Variants in SYNE1 observed in about 807,000 individuals in gnomAD.
SYNE1 encodes the protein spectrin repeat containing nuclear envelope protein 1, also known as nesprin-1.
Under a neutral mutation model 1,111.0 loss-of-function variants are expected in SYNE1, and 616 were observed. The observed-to-expected ratio is 0.55, with a 90% CI of 0.52 to 0.59. The LOEUF (loss-of-function observed/expected upper bound fraction) is 0.59. Ranked by LOEUF, SYNE1 falls within the 20% of genes least tolerant of loss-of-function variation. SYNE1 has a pLI of 0.00. For synonymous variants in SYNE1, 3,855 were observed against 3,825.8 expected (o/e 1.01, Z -0.28); for missense variants, 10,006 against 10,417.0 (o/e 0.96, Z 1.72).
intron 59 of SYNE1, among the ~76,000 whole-genome samples, chr6:152,371,865 A>C (rs4988947): frequency 0.03 from 613 of 20,194 alleles, 5 homozygotes; most frequent in East Asian, 0.11. Flanking sequence ...AAGGAAAGGA[A>C]AGGAAAGGAA....
chr6:152,517,389 A>G (rs1487638014), intron 6 of SYNE1, among the ~76,000 whole-genome samples: 13 of 152,202 alleles, frequency 8.5e-5, no homozygotes, highest in Admixed American at 8.5e-4. Flanking sequence ...TAAATGTAAG[A>G]GGATTGGTGC....
chr6:152,469,576 C>A (rs1044832503), intron 16 of SYNE1, among the ~76,000 whole-genome samples: 1 of 151,962 alleles, frequency 6.6e-6, no homozygotes, highest in Non-Finnish European at 1.5e-5. Context: ...AGGTATGGAC[C>A]AATATTAAAT....
At chr6:152,446,484 CTA>C (rs1265718208) in intron 29 of SYNE1, among the ~76,000 whole-genome samples, 7 of 152,008 alleles carry the variant, frequency 4.6e-5, no homozygotes, top group African/African-American at 1.7e-4. Flanking sequence ...AAATTCAGCA[CTA>C]GAGTCTCAAG....
intron 3 of SYNE1, among the ~76,000 whole-genome samples, chr6:152,601,852 A>G (rs2099596989): frequency 1.3e-5 from 2 of 152,148 alleles, no homozygotes; most frequent in South Asian, 4.1e-4. Context: ...GATTCCATAT[A>G]CTCAGAAGTA....
intron 6 of SYNE1, among the ~76,000 whole-genome samples, chr6:152,513,215 A>C (rs1209450687): frequency 6.6e-6 from 1 of 152,172 alleles, no homozygotes; most frequent in Non-Finnish European, 1.5e-5. Context: ...GCTTGAATGG[A>C]ATGAATTATT....
At chr6:152,541,932 A>G (rs141877652) in intron 3 of SYNE1, among the ~76,000 whole-genome samples, 50 of 151,870 alleles carry the variant, frequency 3.3e-4, no homozygotes, top group Non-Finnish European at 6.0e-4. Flanking sequence ...TAGACATGTA[A>G]CCCCTGCACC....
At chr6:152,373,747 A>G (rs770170914) in intron 58 of SYNE1, among the ~76,000 whole-genome samples, 9 of 152,240 alleles carry the variant, frequency 5.9e-5, no homozygotes, top group Non-Finnish European at 1.3e-4. Flanking sequence ...AAATATTAAA[A>G]ATTTGATAAA....
intron 127 of SYNE1, among the ~76,000 whole-genome samples, chr6:152,190,541 G>A (rs2071958857): frequency 6.6e-6 from 1 of 152,058 alleles, no homozygotes; most frequent in Non-Finnish European, 1.5e-5. Context: ...AAGTAAATAT[G>A]GTATTCATCA....
chr6:152,287,160 T>C (rs999551134), intron 95 of SYNE1, among the ~76,000 whole-genome samples: 1 of 152,242 alleles, frequency 6.6e-6, no homozygotes. Flanking sequence ...TCACCATAGA[T>C]ATTTTAAAGT....
chr6:152,178,318 G>A (rs1360179178), intron 129 of SYNE1, among the ~76,000 whole-genome samples: 3 of 152,048 alleles, frequency 2.0e-5, no homozygotes, highest in South Asian at 2.1e-4. Flanking sequence ...ACTACCTATA[G>A]TGCATGAATC....
chr6:152,247,432 A>C (rs1453165348), intron 105 of SYNE1, among the ~76,000 whole-genome samples: 1 of 152,148 alleles, frequency 6.6e-6, no homozygotes, highest in Non-Finnish European at 1.5e-5. Flanking sequence ...CATATTAGAA[A>C]TCCAAAGCAA....
At chr6:152,122,824 A>G (rs1471517293) in intron 145 of SYNE1, 148 bp from the exon 146 acceptor site, 5 of 1,191,042 alleles carry the variant, frequency 4.2e-6, no homozygotes, top group Non-Finnish European at 6.0e-6. Context: ...CAGTGTGCCC[A>G]GGTCACCCCC....
intron 98 of SYNE1, among the ~76,000 whole-genome samples, chr6:152,276,854 G>A (rs1402103576): frequency 1.3e-5 from 2 of 151,330 alleles, no homozygotes; most frequent in Non-Finnish European, 2.9e-5. Context: ...AGCAAGAAGG[G>A]TAGGGAAGAC....
chr6:152,126,956 T>C (rs367901282), intron 145 of SYNE1: 1 of 152,370 alleles, frequency 6.6e-6, no homozygotes, highest in East Asian at 1.9e-4. Context: ...ACTGGCAGTA[T>C]GTAACAGATT....
intron 145 of SYNE1, among the ~76,000 whole-genome samples, chr6:152,130,063 G>A (rs1306840717): frequency 6.6e-6 from 1 of 152,136 alleles, no homozygotes; most frequent in East Asian, 1.9e-4. Flanking sequence ...GCTGTGAGTC[G>A]GCTCTCGGGA....
Position 152,148,096 on chromosome 6 carries a change from C to T in SYNE1, c.24925G>A (p.Glu8309Lys). 3 of 1,614,212 alleles carry T rather than the reference C, an allele frequency of 1.9e-6. No homozygotes were observed. The highest frequency in any genetic ancestry group is 2.2e-5 in the South Asian group (2 of 91,086). ...TAGAAATCTTTGTCATCCTGACCTT[C>T]TTCATCCTCAGAGGGCAGAGCTCTG... ...MSRALPSEDE[E>K]GQDDKDFYLR... The change falls in exon 137 of 146, where the codon GAA (glutamate) becomes AAA (lysine). Residue 8309 changes from glutamate to lysine, a missense_variant. Physicochemically the swap from Glu to Lys is moderately conservative, Grantham distance 56. Coordinates refer to ENST00000367255, the MANE Select transcript of SYNE1 (RefSeq NM_182961.4). This position sits in a 1 kb window ranked among gnomAD's most constrained non-coding sequence, Gnocchi z 4.1.
intron 3 of SYNE1, among the ~76,000 whole-genome samples, chr6:152,592,919 T>A (rs1565054145): frequency 1.3e-5 from 2 of 152,146 alleles, no homozygotes; most frequent in Non-Finnish European, 2.9e-5. Context: ...GAGTGTGCCC[T>A]GCAATGCAAC....
chr6:152,215,023 A>G lies in SYNE1; in HGVS notation c.22229T>C (p.Leu7410Ser). The G allele has an allele frequency of 6.2e-7, 1 of 1,614,134 alleles. No individual in the cohort carries two copies. Among genetic ancestry groups the G allele is most frequent in the Non-Finnish European group, 8.5e-7 (1 of 1,179,994 alleles). Residue 7410 changes from leucine to serine, a missense_variant, in exon 122 of 146, where the codon TTA (leucine) becomes TCA (serine). By Grantham distance (145) the Leu-to-Ser change is moderately radical. Transcript: ENST00000367255. ...ATATCCAAGCTCATTTAGACGGTCT[A>G]AATCTGGAGCCATGCTGCTGAATTT... The part of the protein sequence containing the change: ...MLKFSSMAPD[L>S]DRLNELGYRL...
chr6:152,463,889 G>C (rs1289004865), intron 18 of SYNE1, among the ~76,000 whole-genome samples: 2 of 152,038 alleles, frequency 1.3e-5, no homozygotes, highest in Admixed American at 6.6e-5. Flanking sequence ...AATACATTAG[G>C]GAAATATATA....
Sources: allele counts gnomAD v4.1 joint callset (sites outside exome capture counted in the v4.1 genomes callset), GRCh38; gene constraint gnomAD v4.1.1; non-coding constraint Gnocchi (gnomAD v3.1); transcripts MANE v1.5; gene names NCBI Gene and HGNC (gene_info 2026-07-23, HGNC 2026-07-21).